FUZ: variants seen among roughly 807,000 people sequenced by gnomAD.
The protein encoded by FUZ is fuzzy planar cell polarity protein, also known as protein fuzzy homolog.
In FUZ, 31 loss-of-function variants were observed where a neutral mutation model predicts 43.1. The ratio of observed to expected loss-of-function variants is 0.72; its 90% CI spans 0.54 to 0.97. The LOEUF (loss-of-function observed/expected upper bound fraction) is 0.97. FUZ is among the 50% of genes least tolerant of loss of function. The probability of loss-of-function intolerance (pLI) is 0.00; values close to 1 mark genes in which losing one functional copy is unlikely to be tolerated. For missense variants in FUZ, 539 were observed against 543.8 expected, an observed-to-expected ratio of 0.99 and a Z score of 0.09; for synonymous variants, 274 against 250.0, an observed-to-expected ratio of 1.10 and a Z score of -0.91.
intron 9 of FUZ, 29 bp downstream of exon 9, chr19:49,808,545 C>T (rs770891401): frequency 6.4e-7 from 1 of 1,572,170 alleles, no homozygotes; most frequent in South Asian, 1.1e-5. Flanking sequence ...GCCCCTCCTA[C>T]CCCTGCCCCT....
In FUZ at chr19:49,812,438, C is replaced by G. The variant is rs1394148413; in HGVS notation, c.234-103G>C. 1.2e-5 allele frequency: 16 copies of G among 1,336,232 alleles called. No homozygotes were observed. The East Asian group carries it at 2.3e-4, about 19-fold the overall frequency. 82.8% of individuals were successfully genotyped at this position (1,336,232 alleles called of 1,614,324 possible). A position where few individuals can be genotyped will look rare whatever the true frequency, so the allele number is the denominator to read the frequency against. On this transcript the variant is annotated intron_variant, in intron 2 of 10. Coordinates refer to ENST00000313777, the MANE Select transcript of FUZ (RefSeq NM_025129.5). Reference sequence around the variant, plus strand: ...CTAGAACACCAGATACATCCTCTCTCAGACCAACCTGCCTTTCTTATAGAG... The same window carrying G: ...CTAGAACACCAGATACATCCTCTCTGAGACCAACCTGCCTTTCTTATAGAG...
In FUZ at chr19:49,808,506, C is replaced by T. The variant is rs756692588; in HGVS notation, c.959-18G>A. On this transcript the variant is annotated intron_variant, in intron 9 of 10. Transcript: ENST00000313777. ...TGAAGGCTCTGCTGGGAGGAAAAGG[C>T]GGTGATGCAGAGCGCCTCCCCGGCC... The T allele has an allele frequency of 1.1e-5, 17 of 1,607,920 alleles. No individual in the cohort carries two copies. The South Asian group carries it at 1.9e-4, about 18-fold the overall frequency.
At position 49,808,731 on chromosome 19, in the gene FUZ, G is replaced by A. The variant is rs1005328935; in HGVS notation, c.879C>T (p.His293=). 3.8e-6 allele frequency: 6 copies of A among 1,589,500 alleles called. No homozygotes were observed. Among genetic ancestry groups the A allele is most frequent in the Non-Finnish European group, 5.1e-6 (6 of 1,168,110 alleles). Residue 293 remains histidine (H), a synonymous_variant, in exon 8 of 11, where the codon CAC becomes CAT. Coordinates refer to ENST00000313777, the MANE Select transcript of FUZ (RefSeq NM_025129.5). ...CCGAGCCCTACCCGAGGATGTCTGT[G>A]TGAAGGGGGAAGCCACTGGGCAGCG... ...PRALPSGFPL[H]TDILGLLLLH...
upstream of FUZ, chr19:49,813,341 G>A (rs376521642): frequency 1.6e-6 from 1 of 617,302 alleles, no homozygotes; most frequent in African/African-American, 1.8e-5. Flanking sequence ...CGGAAGTCAC[G>A]GTACCCCTAA....
chr19:49,807,170 G>T lies in FUZ; in HGVS notation c.1238C>A (p.Ala413Asp), dbSNP rs115945199. ...AGGTAGTCAAAGAAGTGGGGTGAGG[G>T]CATGCAGAGTGTGGGTGGCCAGGCT... ...LRSLATHTLH[A>D]LTPLL Residue 413 changes from alanine to aspartate, a missense_variant, in exon 11 of 11, where the codon GCC becomes GAC. Coordinates refer to ENST00000313777, the MANE Select transcript of FUZ (RefSeq NM_025129.5). 2.3e-3 allele frequency: 3,741 copies of T among 1,613,274 alleles called. 80 individuals are homozygous for T. The African/African-American group carries it at 0.042, about 18-fold the overall frequency.
Position 49,808,519 on chromosome 19 carries a change from C to T in FUZ, c.959-31G>A, listed in dbSNP as rs1435312405. 2.5e-6 allele frequency: 4 copies of T among 1,601,184 alleles called. No homozygotes were observed. The South Asian group carries it at 3.4e-5, about 13-fold the overall frequency. On this transcript the variant is annotated intron_variant, in intron 9 of 10. Transcript: ENST00000313777. ...GGGAGGAAAAGGCGGTGATGCAGAGCGCCTCCCCGGCCCACGCCCCTCCTA... is the reference window on the plus strand; with the variant it reads ...GGGAGGAAAAGGCGGTGATGCAGAGTGCCTCCCCGGCCCACGCCCCTCCTA...
intron 5 of FUZ, chr19:49,811,107 T>C: frequency 1.8e-6 from 1 of 541,108 alleles, no homozygotes; most frequent in Non-Finnish European, 3.3e-6. Context: ...GCCGAGATGG[T>C]GCCATTGTAC....
chr19:49,807,305 A>T lies in FUZ; in HGVS notation c.1103T>A (p.Val368Glu), dbSNP rs538685017. The change falls in exon 11 of 11, where the codon GTG becomes GAG. Residue 368 changes from valine to glutamate, a missense_variant. Transcript: ENST00000313777. Reference sequence around the variant, plus strand: ...TGTGCCTGGTTCCTCAGTCCCCAACACCAGGTAGCAAGCTCTGGGCAGCTG... The same window carrying T: ...TGTGCCTGGTTCCTCAGTCCCCAACTCCAGGTAGCAAGCTCTGGGCAGCTG... ...QAQLPRACYLVLGTEEPGTGV... is the reference protein window; with the variant it reads ...QAQLPRACYLELGTEEPGTGV... 6.2e-7 allele frequency: 1 copy of T among 1,613,276 alleles called. No homozygotes were observed. The highest frequency in any genetic ancestry group is 8.5e-7 in the Non-Finnish European group (1 of 1,179,952).
chr19:49,809,418 G>A lies in FUZ; in HGVS notation c.650C>T (p.Ala217Val). 1 of 1,543,248 alleles carries A rather than the reference G, an allele frequency of 6.5e-7. No homozygotes were observed. The highest frequency in any genetic ancestry group is 8.7e-7 in the Non-Finnish European group (1 of 1,146,946). Residue 217 changes from alanine (A) to valine (V), a missense_variant, in exon 6 of 11, where the codon GCT (alanine) becomes GTT (valine). By Grantham distance (64) the Ala-to-Val change is moderately conservative (BLOSUM62 0). Coordinates refer to ENST00000313777, the MANE Select transcript of FUZ (RefSeq NM_025129.5). The surrounding 1 kb of genome is among the most constrained non-coding windows in gnomAD (Gnocchi z 5.1). ...WLVGSLPPQT[A>V]RDYPVYLPHG... ...CGGCAGGTACACCGGGTAGTCGCGAGCGGTCTGCGGCGGCAGGGACCCCAC... is the reference window on the plus strand; with the variant it reads ...CGGCAGGTACACCGGGTAGTCGCGAACGGTCTGCGGCGGCAGGGACCCCAC...
intron 10 of FUZ, 79 bp from the exon 11 acceptor site, chr19:49,807,453 T>C: frequency 7.1e-7 from 1 of 1,409,712 alleles, no homozygotes; most frequent in African/African-American, 1.4e-5. Flanking sequence ...TGATCCCAAG[T>C]TCTGAACGCG....
Position 49,812,602 on chromosome 19 carries a change from C to A in FUZ, c.233+13G>T. The A allele has an allele frequency of 6.2e-7, 1 of 1,614,082 alleles. No individual in the cohort carries two copies. The highest frequency in any genetic ancestry group is 1.1e-5 in the South Asian group (1 of 91,056). ...CCAGGCCCTGTCCCTGTCCCACGTT[C>A]CCTCCTGGGGACCTGTCATGGAAGC... On this transcript the variant is annotated intron_variant, in intron 2 of 10. Coordinates refer to ENST00000313777, the MANE Select transcript of FUZ (RefSeq NM_025129.5).
In FUZ at chr19:49,807,023, C is replaced by G; in HGVS notation, c.*128G>C. The G allele has an allele frequency of 6.8e-7, 1 of 1,459,986 alleles. No individual in the cohort carries two copies. Among genetic ancestry groups the G allele is most frequent in the Non-Finnish European group, 9.2e-7 (1 of 1,083,722 alleles). 90.4% of individuals were successfully genotyped at this position (1,459,986 alleles called of 1,614,324 possible). On this transcript the variant is annotated 3_prime_UTR_variant, in exon 11 of 11. Transcript: ENST00000313777. Reference sequence around the variant, plus strand: ...GGCCAGGGAAGTGGATGTCTCCTCCCCTCCCACCCCACCCTGTTGTAGCCC... The same window carrying G: ...GGCCAGGGAAGTGGATGTCTCCTCCGCTCCCACCCCACCCTGTTGTAGCCC...
intron 2 of FUZ, 118 bp from the exon 3 acceptor site, chr19:49,812,453 T>G: frequency 2.3e-6 from 3 of 1,322,188 alleles, no homozygotes; most frequent in Non-Finnish European, 2.2e-6. Flanking sequence ...CAACCTGCCT[T>G]TCTTATAGAG....
chr19:49,806,991 G>C lies in FUZ; in HGVS notation c.*160C>G, dbSNP rs892935956. ...TCCCTTTCCCCCCCAAGCACAGAGG[G>C]GAGAGGGGCCAGGGAAGTGGATGTC... On this transcript the variant is annotated 3_prime_UTR_variant, in exon 11 of 11. Coordinates refer to ENST00000313777, the MANE Select transcript of FUZ (RefSeq NM_025129.5). 2.7e-5 allele frequency: 42 copies of C among 1,528,558 alleles called. No homozygotes were observed. Among genetic ancestry groups the C allele is most frequent in the Non-Finnish European group, 3.5e-5 (40 of 1,143,326 alleles). The allele number at this position is 1,528,558 out of a possible 1,614,324, so 94.7% of individuals were successfully genotyped here. A position where few individuals can be genotyped will look rare whatever the true frequency, so the allele number is the denominator to read the frequency against.
At position 49,809,607 on chromosome 19, in the gene FUZ, A is replaced by C; in HGVS notation, c.493-32T>G. 1 of 1,559,882 alleles carries C rather than the reference A, an allele frequency of 6.4e-7. No individual in the cohort carries two copies. Among genetic ancestry groups the C allele is most frequent in the Non-Finnish European group, 8.6e-7 (1 of 1,158,930 alleles). On this transcript the variant is annotated intron_variant, in intron 5 of 10. Coordinates refer to ENST00000313777, the MANE Select transcript of FUZ (RefSeq NM_025129.5). The surrounding 1 kb of genome is among the most constrained non-coding windows in gnomAD (Gnocchi z 5.1). ...ACGGGAGGCAGGAGGACTGGGAGTCAGCAGACAAGCGTAGGGGGTGGCAGC... is the reference window on the plus strand; with the variant it reads ...ACGGGAGGCAGGAGGACTGGGAGTCCGCAGACAAGCGTAGGGGGTGGCAGC...
intron 8 of FUZ, 32 bp from the exon 9 acceptor site, chr19:49,808,670 G>A: frequency 6.2e-7 from 1 of 1,610,136 alleles, no homozygotes; most frequent in Non-Finnish European, 8.5e-7. Context: ...GTCATGGCTG[G>A]GGAAGAGGAC....
Position 49,806,969 on chromosome 19 carries a change from C to CT in FUZ, c.*181dup. 6.5e-7 allele frequency: 1 copy of CT among 1,533,042 alleles called. No individual in the cohort carries two copies. Among genetic ancestry groups the CT allele is most frequent in the Non-Finnish European group, 8.7e-7 (1 of 1,146,288 alleles). 95.0% of individuals were successfully genotyped at this position (1,533,042 alleles called of 1,614,324 possible). ...GGTTAGGGGGAGTCCCCCTCCCTCCCTTTCCCCCCCAAGCACAGAGGGGAG... is the reference window on the plus strand; with the variant it reads ...GGTTAGGGGGAGTCCCCCTCCCTCCCTTTTCCCCCCCAAGCACAGAGGGGAG... On this transcript the variant is annotated 3_prime_UTR_variant, in exon 11 of 11. Transcript: ENST00000313777.
chr19:49,807,751 G>A (rs1383806762), intron 10 of FUZ, among the ~76,000 whole-genome samples: 2 of 152,312 alleles, frequency 1.3e-5, no homozygotes, highest in East Asian at 3.9e-4. Context: ...GGGGCCAGTG[G>A]GAGGTGGAGT....
rs1490412952 is a variant in FUZ, at chr19:49,809,619, T to C, written c.493-44A>G. The C allele has an allele frequency of 6.5e-7, 1 of 1,544,686 alleles. No individual in the cohort carries two copies. The highest frequency in any genetic ancestry group is 1.2e-5 in the South Asian group (1 of 84,854). ...AGGACTGGGAGTCAGCAGACAAGCGTAGGGGGTGGCAGCGACTTCCCAGAT... is the reference window on the plus strand; with the variant it reads ...AGGACTGGGAGTCAGCAGACAAGCGCAGGGGGTGGCAGCGACTTCCCAGAT... On this transcript the variant is annotated intron_variant, in intron 5 of 10. Coordinates refer to ENST00000313777, the MANE Select transcript of FUZ (RefSeq NM_025129.5). This position sits in a 1 kb window ranked among gnomAD's most constrained non-coding sequence, Gnocchi z 5.1.
Sources: allele counts gnomAD v4.1 joint callset (sites outside exome capture counted in the v4.1 genomes callset), GRCh38; gene constraint gnomAD v4.1.1; non-coding constraint Gnocchi (gnomAD v3.1); transcripts MANE v1.5; gene names NCBI Gene and HGNC (gene_info 2026-07-23, HGNC 2026-07-21).